The following UVRAG variants were observed in gnomAD, a reference collection of about 807,000 sequenced individuals.
UVRAG encodes UV radiation resistance-associated gene protein.
UVRAG carries 19 observed loss-of-function variants against 78.0 expected under a neutral mutation model. That is an observed-to-expected ratio of 0.24 (90% CI 0.17 to 0.36). The LOEUF (loss-of-function observed/expected upper bound fraction) is 0.36, where lower values mean the gene tolerates loss of function less well. Among genes scored for constraint, UVRAG ranks in the 10% least tolerant of loss-of-function variants. UVRAG has a pLI of 1.00. For missense variants in UVRAG, 740 were observed against 853.8 expected (o/e 0.87, Z 1.66); for synonymous variants, 323 against 324.6 (o/e 1.00, Z 0.05).
At chr11:75,856,147 G>A (rs1433848924) in intron 2 of UVRAG, among the ~76,000 whole-genome samples, 2 of 151,830 alleles carry the variant, frequency 1.3e-5, no homozygotes, top group Admixed American at 6.6e-5. Context: ...CCGCCACCAC[G>A]CCCAGCTAAT....
At chr11:75,838,637 G>T (rs1464025891) in intron 1 of UVRAG, among the ~76,000 whole-genome samples, 5 of 152,112 alleles carry the variant, frequency 3.3e-5, no homozygotes, top group African/African-American at 1.2e-4. Context: ...ACAGGTATGG[G>T]CCACCGTACC....
At chr11:76,035,184 A>G (rs1193995732) in intron 12 of UVRAG, among the ~76,000 whole-genome samples, 3 of 152,172 alleles carry the variant, frequency 2.0e-5, no homozygotes, top group Middle Eastern at 3.2e-3. Context: ...TTACTAGGAG[A>G]AAAACTTTTT....
intron 3 of UVRAG, among the ~76,000 whole-genome samples, chr11:75,872,947 C>T (rs1467534784): frequency 6.6e-6 from 1 of 152,108 alleles, no homozygotes; most frequent in Non-Finnish European, 1.5e-5. Flanking sequence ...GATAAATACG[C>T]TAGTAGAAAT....
chr11:75,911,657 G>A (rs912772742), intron 5 of UVRAG: 7 of 233,912 alleles, frequency 3.0e-5, no homozygotes, highest in Admixed American at 5.5e-5. Flanking sequence ...TGGCTGGGGC[G>A]GCACCTGCTG....
intron 3 of UVRAG, among the ~76,000 whole-genome samples, chr11:75,871,563 C>T (rs1306537659): frequency 6.6e-6 from 1 of 152,156 alleles, no homozygotes; most frequent in Admixed American, 6.5e-5. Flanking sequence ...GGATTACAGG[C>T]ACGAGCCACC....
intron 4 of UVRAG, among the ~76,000 whole-genome samples, chr11:75,885,669 G>T (rs1947059030): frequency 6.6e-6 from 1 of 152,058 alleles, no homozygotes; most frequent in East Asian, 1.9e-4. Context: ...TCCATATTAG[G>T]ATTCTAATAC....
chr11:76,118,042 A>G (rs988135706), intron 14 of UVRAG, among the ~76,000 whole-genome samples: 1 of 152,224 alleles, frequency 6.6e-6, no homozygotes, highest in Non-Finnish European at 1.5e-5. Context: ...TCACAGTTTT[A>G]TGACATTGGG....
intron 6 of UVRAG, among the ~76,000 whole-genome samples, chr11:75,934,639 G>A (rs1322240027): frequency 2.0e-5 from 3 of 151,960 alleles, no homozygotes; most frequent in African/African-American, 7.3e-5. Context: ...CTTACTGTGT[G>A]CCCACTAAAA....
At position 75,964,641 on chromosome 11, in the gene UVRAG, G is replaced by A. The variant is rs142754720; in HGVS notation, c.699+3092G>A. ...TTTAGGGCTGGGCGTGGTGGCCCAC[G>A]CCTGTAATCCCAGCAATTTGGGAGG... is the stretch of plus-strand genomic sequence containing the variant. On this transcript the variant is annotated intron_variant, in intron 7 of 14. Coordinates refer to ENST00000356136, the MANE Select transcript of UVRAG (RefSeq NM_003369.4). Among the ~76,000 whole-genome samples the A allele has an allele frequency of 4.9e-3, 751 of 152,236 alleles. 7 individuals are homozygous for A. The highest frequency in any genetic ancestry group is 0.017 in the African/African-American group (706 of 41,548).
At chr11:76,012,266 C>G (rs1435632286) in intron 11 of UVRAG, among the ~76,000 whole-genome samples, 2 of 150,568 alleles carry the variant, frequency 1.3e-5, no homozygotes, top group African/African-American at 4.9e-5. Flanking sequence ...ATTCTCACAA[C>G]TGTGAGAATT....
intron 7 of UVRAG, among the ~76,000 whole-genome samples, chr11:75,973,305 C>T (rs1949163637): frequency 1.3e-5 from 2 of 152,218 alleles, no homozygotes; most frequent in South Asian, 4.1e-4. Context: ...ATGATCATAC[C>T]ATTTTTTCTT....
At chr11:76,024,703 T>G (rs1950299374) in intron 12 of UVRAG, among the ~76,000 whole-genome samples, 1 of 152,194 alleles carries the variant, frequency 6.6e-6, no homozygotes, top group African/African-American at 2.4e-5. Context: ...CAAATCCTTT[T>G]TGGAATAACA....
chr11:75,865,475 G>A (rs1946517903), intron 3 of UVRAG, among the ~76,000 whole-genome samples: 1 of 152,126 alleles, frequency 6.6e-6, no homozygotes, highest in African/African-American at 2.4e-5. Context: ...CTGGCCACAT[G>A]TGGCCATTGA....
chr11:76,136,085 A>G (rs1952593026), intron 14 of UVRAG, among the ~76,000 whole-genome samples: 2 of 152,188 alleles, frequency 1.3e-5, no homozygotes, highest in South Asian at 4.1e-4. Flanking sequence ...GTAATCAAAG[A>G]ATCTTGAAAC....
chr11:75,867,392 G>A (rs539191934), intron 3 of UVRAG, among the ~76,000 whole-genome samples: 13 of 152,144 alleles, frequency 8.5e-5, no homozygotes, highest in East Asian at 1.9e-4. Flanking sequence ...AAATAATATC[G>A]TATGCACTCT....
intron 3 of UVRAG, among the ~76,000 whole-genome samples, chr11:75,867,588 C>T (rs1298696733): frequency 6.6e-6 from 1 of 152,176 alleles, no homozygotes; most frequent in Non-Finnish European, 1.5e-5. Flanking sequence ...CTGCTATAAA[C>T]ACTCTCCTAT....
chr11:75,835,443 A>T (rs1258772519), intron 1 of UVRAG: 1 of 152,194 alleles, frequency 6.6e-6, no homozygotes, highest in East Asian at 1.9e-4. Flanking sequence ...GCTTCAGCTC[A>T]ACTCTAGGTG....
chr11:76,122,940 G>T (rs540328832), intron 14 of UVRAG, among the ~76,000 whole-genome samples: 3 of 152,272 alleles, frequency 2.0e-5, no homozygotes, highest in South Asian at 4.2e-4. Context: ...TGTGAGAGTA[G>T]CTGGGCAAGA....
intron 14 of UVRAG, among the ~76,000 whole-genome samples, chr11:76,131,993 G>A (rs932673651): frequency 1.3e-5 from 2 of 152,220 alleles, no homozygotes; most frequent in Admixed American, 6.5e-5. Context: ...CTAACTTTAT[G>A]TCATAATTTC....
Sources: allele counts gnomAD v4.1 joint callset (sites outside exome capture counted in the v4.1 genomes callset), GRCh38; gene constraint gnomAD v4.1.1; transcripts MANE v1.5; gene names NCBI Gene and HGNC (gene_info 2026-07-23, HGNC 2026-07-21).